Variants in COL21A1 observed in about 807,000 individuals in gnomAD.
COL21A1 encodes the protein collagen alpha-1(XXI) chain.
In COL21A1, 149 loss-of-function variants were observed where a neutral mutation model predicts 137.9. The ratio of observed to expected loss-of-function variants is 1.08; its 90% CI spans 0.95 to 1.24. COL21A1 has a LOEUF of 1.24. Among genes scored for constraint, COL21A1 ranks in the 50% most tolerant of loss-of-function variants. The pLI, the probability that COL21A1 is intolerant of heterozygous loss-of-function variation, is 0.00. For missense variants in COL21A1, 1,167 were observed against 1,158.4 expected (o/e 1.01, Z -0.11); for synonymous variants, 456 against 391.5 (o/e 1.16, Z -1.95).
intron 1 of COL21A1, among the ~76,000 whole-genome samples, chr6:56,338,571 T>C (rs1419229319): frequency 3.3e-5 from 5 of 152,174 alleles, no homozygotes; most frequent in African/African-American, 1.2e-4. Context: ...AAGTGAAAAC[T>C]CATTCACCTT....
chr6:56,122,736 G>T (rs1772663916), intron 16 of COL21A1, among the ~76,000 whole-genome samples: 1 of 152,154 alleles, frequency 6.6e-6, no homozygotes, highest in Non-Finnish European at 1.5e-5. Flanking sequence ...TCTTAAAGCT[G>T]TGTTCAAATC....
At chr6:56,138,242 G>A (rs1774147644) in intron 12 of COL21A1, among the ~76,000 whole-genome samples, 1 of 151,242 alleles carries the variant, frequency 6.6e-6, no homozygotes, top group Admixed American at 6.6e-5. Flanking sequence ...ATATGTGTAT[G>A]TCTGTATTTA....
rs556887535 is a variant in COL21A1 at position 56,132,159 on chromosome 6, T to TA, written c.1543-6011dup. 9.6e-4 allele frequency among the ~76,000 whole-genome samples: 145 copies of TA among 151,414 alleles called. 1 individual carries two copies. Among genetic ancestry groups the TA allele is most frequent in the African/African-American group, 2.1e-3 (86 of 41,424 alleles). On this transcript the variant is annotated intron_variant, in intron 12 of 29. Transcript: ENST00000244728. ...CCATTTATAATAAAAACAAAAGAGA[T>TA]AAAAAATTTTTAGGTTAAAATAAAA...
At chr6:56,138,060 T>G (rs1326236733) in intron 12 of COL21A1, among the ~76,000 whole-genome samples, 1 of 152,010 alleles carries the variant, frequency 6.6e-6, no homozygotes, top group Non-Finnish European at 1.5e-5. Flanking sequence ...GAAATTGCAG[T>G]TTTTGCCATT....
intron 1 of COL21A1, among the ~76,000 whole-genome samples, chr6:56,204,314 T>C (rs1325765247): frequency 1.3e-5 from 2 of 152,072 alleles, no homozygotes; most frequent in East Asian, 3.9e-4. Flanking sequence ...TTGCTGAGAC[T>C]TGAGTAGGTG....
chr6:56,277,361 C>T (rs1159257441), intron 1 of COL21A1, among the ~76,000 whole-genome samples: 4 of 152,098 alleles, frequency 2.6e-5, no homozygotes, highest in Admixed American at 2.0e-4. Flanking sequence ...TTTCTCATTG[C>T]TCAATTCCCA....
intron 28 of COL21A1, among the ~76,000 whole-genome samples, chr6:56,059,679 G>C (rs1293954199): frequency 6.6e-6 from 1 of 151,906 alleles, no homozygotes; most frequent in Admixed American, 6.6e-5. Context: ...AAATGAATAA[G>C]GTAACAGTGC....
intron 1 of COL21A1, among the ~76,000 whole-genome samples, chr6:56,337,270 T>C (rs1461577002): frequency 6.6e-6 from 1 of 152,160 alleles, no homozygotes; most frequent in Non-Finnish European, 1.5e-5. Flanking sequence ...AATTGCTGTA[T>C]CAACAGCAAC....
chr6:56,372,383 C>T (rs1235095290), intron 1 of COL21A1, among the ~76,000 whole-genome samples: 2 of 152,250 alleles, frequency 1.3e-5, no homozygotes, highest in Non-Finnish European at 2.9e-5. Flanking sequence ...GCCAACCTAC[C>T]AGGCTGGCTG....
chr6:56,158,266 CTTTTTTT>C (rs67453245), intron 9 of COL21A1, among the ~76,000 whole-genome samples: 3 of 62,402 alleles, frequency 4.8e-5, no homozygotes, highest in African/African-American at 6.6e-5. Context: ...TTTTTTTTTT[CTTTTTTT>C]TTTTTTTTTT....
chr6:56,213,752 C>A (rs1410614089), intron 1 of COL21A1, among the ~76,000 whole-genome samples: 1 of 151,956 alleles, frequency 6.6e-6, no homozygotes, highest in East Asian at 1.9e-4. Flanking sequence ...AGAAGGCACA[C>A]AAATGTCAGA....
chr6:56,252,679 T>TC (rs1245507069), intron 1 of COL21A1, among the ~76,000 whole-genome samples: 3 of 152,150 alleles, frequency 2.0e-5, no homozygotes, highest in African/African-American at 7.2e-5. Flanking sequence ...TTAGCTTGGG[T>TC]CACCTATTGA....
chr6:56,384,365 C>T (rs898670682), intron 1 of COL21A1, among the ~76,000 whole-genome samples: 1 of 152,286 alleles, frequency 6.6e-6, no homozygotes. Flanking sequence ...CAAATACTTA[C>T]ATGTCTTTGA....
chr6:56,276,149 ATAAG>A lies in COL21A1; in HGVS notation c.-38-93497_-38-93494del, dbSNP rs531788700. Reference sequence around the variant, plus strand: ...TGCTAAATACCACATGTTCTCACGTATAAGTGGGAGCCAAACATTGTGTACACAT... The same window carrying A: ...TGCTAAATACCACATGTTCTCACGTATGGGAGCCAAACATTGTGTACACAT... On this transcript the variant is annotated intron_variant, in intron 1 of 28. Coordinates refer to the COL21A1 transcript ENST00000370819. 2.6e-3 allele frequency among the ~76,000 whole-genome samples: 397 copies of A among 152,338 alleles called. 1 individual carries two copies. The highest frequency in any genetic ancestry group is 4.5e-3 in the Non-Finnish European group (307 of 68,020).
intron 7 of COL21A1, chr6:56,166,689 T>C (rs1348065668): frequency 1.7e-5 from 11 of 638,304 alleles, no homozygotes; most frequent in Admixed American, 5.0e-5. Flanking sequence ...CATTCCCTTG[T>C]GGTCTTTCAT....
intron 2 of COL21A1, 66 bp downstream of exon 2, chr6:56,182,465 C>T (rs533865691): frequency 2.0e-6 from 2 of 1,025,030 alleles, no homozygotes; most frequent in South Asian, 1.4e-5. Flanking sequence ...ATTACTTGAA[C>T]TCCCCTAGTT....
At chr6:56,216,454 G>T (rs563788680) in intron 1 of COL21A1, among the ~76,000 whole-genome samples, 1 of 151,936 alleles carries the variant, frequency 6.6e-6, no homozygotes, top group Non-Finnish European at 1.5e-5. Context: ...TTCCTTTTTT[G>T]ACCAAAGAAG....
intron 17 of COL21A1, among the ~76,000 whole-genome samples, chr6:56,087,248 T>C (rs114011139): frequency 0.023 from 3,534 of 152,284 alleles, 74 homozygotes; most frequent in East Asian, 0.055. Flanking sequence ...GACAGCATCG[T>C]CAGTGGTGTA....
At chr6:56,241,638 G>T (rs76241127) in intron 1 of COL21A1, among the ~76,000 whole-genome samples, 3,292 of 152,192 alleles carry the variant, frequency 0.022, 124 homozygotes, top group African/African-American at 0.076. Flanking sequence ...TCAGGACCTG[G>T]GTATTTACCT....
Sources: gnomAD v4.1 joint callset for allele counts (sites outside exome capture counted in the v4.1 genomes callset) on GRCh38, gnomAD v4.1.1 for gene constraint, MANE v1.5 for transcripts, NCBI Gene and HGNC (gene_info 2026-07-23, HGNC 2026-07-21) for gene names.